ZNF532: variants seen among roughly 807,000 people sequenced by gnomAD.
ZNF532 encodes zinc finger protein 532.
ZNF532 carries 22 observed loss-of-function variants against 89.3 expected under a neutral mutation model. That is an observed-to-expected ratio of 0.25 (90% confidence interval 0.18 to 0.35). ZNF532 has a LOEUF of 0.35. Ranked by LOEUF, ZNF532 falls within the 10% of genes least tolerant of loss-of-function variation. The pLI, the probability that ZNF532 is intolerant of heterozygous loss-of-function variation, is 1.00. For synonymous variants in ZNF532, 606 were observed against 649.6 expected (o/e 0.93, Z 1.02); for missense variants, 1,132 against 1,643.4 (o/e 0.69, Z 5.38).
intron 2 of ZNF532, among the ~76,000 whole-genome samples, chr18:58,914,104 C>T (rs867419260): frequency 3.3e-5 from 5 of 152,156 alleles, no homozygotes; most frequent in Admixed American, 2.0e-4. Context: ...GTTTTTCTTA[C>T]GTTTTTCTTT....
intron 7 of ZNF532, among the ~76,000 whole-genome samples, chr18:58,959,163 T>A (rs962820500): frequency 6.6e-6 from 1 of 152,192 alleles, no homozygotes; most frequent in East Asian, 1.9e-4. Flanking sequence ...CCTTAACTTA[T>A]TAATTGAAAT....
intron 2 of ZNF532, among the ~76,000 whole-genome samples, chr18:58,883,160 A>G (rs916616089): frequency 6.6e-6 from 1 of 152,206 alleles, no homozygotes; most frequent in Non-Finnish European, 1.5e-5. Context: ...TGATTGATAT[A>G]CTGATGTAAT....
At chr18:58,942,349 C>CCCTTCCTTCCTTCCTTCCTT (rs1179053195) in intron 5 of ZNF532, among the ~76,000 whole-genome samples, 32 of 43,180 alleles carry the variant, frequency 7.4e-4, no homozygotes, top group South Asian at 1.4e-3. Context: ...CTCCCTCCCT[C>CCCTTCCTTCCTTCCTTCCTT]CCTTCCTTCC....
chr18:58,887,891 G>T (rs2058416529), intron 2 of ZNF532, among the ~76,000 whole-genome samples: 1 of 152,190 alleles, frequency 6.6e-6, no homozygotes, highest in Admixed American at 6.5e-5. Flanking sequence ...GTCCCCCGGG[G>T]CAGAGGGGAG....
intron 7 of ZNF532, among the ~76,000 whole-genome samples, chr18:58,963,394 C>T (rs548675341): frequency 6.6e-6 from 1 of 152,196 alleles, no homozygotes; most frequent in East Asian, 1.9e-4. Context: ...TGAAAGACAG[C>T]AGTGGCAGTG....
intron 3 of ZNF532, chr18:58,926,252 G>A (rs2061510370): frequency 6.6e-6 from 1 of 152,284 alleles, no homozygotes; most frequent in Non-Finnish European, 1.5e-5. Context: ...ATACTGATAA[G>A]AACAGATACT....
intron 7 of ZNF532, 165 bp downstream of exon 7, chr18:58,953,964 C>T (rs1280793818): frequency 1.0e-6 from 1 of 985,236 alleles, no homozygotes; most frequent in South Asian, 4.7e-5. Context: ...TGAAATAGAC[C>T]TTTTCAAATC....
At chr18:58,910,497 C>T (rs1335652529) in intron 2 of ZNF532, among the ~76,000 whole-genome samples, 8 of 151,918 alleles carry the variant, frequency 5.3e-5, no homozygotes, top group East Asian at 1.9e-4. Context: ...GAAAGAGTCT[C>T]GCTTCATCAC....
Position 58,984,599 on chromosome 18 carries a change from TC to T in ZNF532, c.*135del. On this transcript the variant is annotated 3_prime_UTR_variant, in exon 10 of 10. Transcript: ENST00000591808. ...CAATATATTCTCTTTCAATGTACCTTCCTTCACCTCGTCGTATATATCCTCG... is the reference window on the plus strand; with the variant it reads ...CAATATATTCTCTTTCAATGTACCTTCTTCACCTCGTCGTATATATCCTCG... 1 of 1,089,576 alleles carries T rather than the reference TC, an allele frequency of 9.2e-7. No individual in the cohort carries two copies. The highest frequency in any genetic ancestry group is 1.7e-5 in the South Asian group (1 of 58,076). 67.5% of individuals were successfully genotyped at this position (1,089,576 alleles called of 1,614,324 possible). A position where few individuals can be genotyped will look rare whatever the true frequency, so the allele number is the denominator to read the frequency against.
chr18:58,945,484 C>G (rs941487814), intron 5 of ZNF532, among the ~76,000 whole-genome samples: 1 of 152,146 alleles, frequency 6.6e-6, no homozygotes, highest in African/African-American at 2.4e-5. Flanking sequence ...CACCAACAAC[C>G]TGCTCAGCCT....
At chr18:58,897,343 G>C (rs1217378309) in intron 2 of ZNF532, among the ~76,000 whole-genome samples, 1 of 152,106 alleles carries the variant, frequency 6.6e-6, no homozygotes, top group Non-Finnish European at 1.5e-5. Context: ...TAAATGCATT[G>C]AGGTTGGGGG....
chr18:58,901,574 T>C (rs139972477), intron 2 of ZNF532, among the ~76,000 whole-genome samples: 122 of 152,342 alleles, frequency 8.0e-4, no homozygotes, highest in African/African-American at 2.9e-3. Context: ...ACCTGCTCTT[T>C]GGAGAGCACT....
intron 2 of ZNF532, among the ~76,000 whole-genome samples, chr18:58,902,567 A>G (rs2059671772): frequency 6.8e-6 from 1 of 147,962 alleles, no homozygotes; most frequent in Non-Finnish European, 1.5e-5. Context: ...ATCTCGACTC[A>G]CTGCAGCCTC....
intron 8 of ZNF532, chr18:58,981,170 C>T (rs2067723288): frequency 9.1e-6 from 3 of 328,134 alleles, no homozygotes; most frequent in South Asian, 3.3e-5. Context: ...ACAAAGGAGT[C>T]AAGGAGGGAC....
At chr18:58,882,493 G>A (rs1232773137) in intron 2 of ZNF532, among the ~76,000 whole-genome samples, 1 of 152,208 alleles carries the variant, frequency 6.6e-6, no homozygotes, top group East Asian at 1.9e-4. Context: ...CTAGGCTGGA[G>A]TGCAGTGATC....
intron 7 of ZNF532, among the ~76,000 whole-genome samples, 179 bp from the exon 8 acceptor site, chr18:58,978,876 T>C (rs2147650489): frequency 6.6e-6 from 1 of 152,344 alleles, no homozygotes; most frequent in Admixed American, 6.5e-5. Context: ...CAGTTCTGAC[T>C]GTGACCCGTC....
chr18:58,868,788 T>C (rs531699184), intron 2 of ZNF532, among the ~76,000 whole-genome samples: 15 of 152,368 alleles, frequency 9.8e-5, no homozygotes, highest in African/African-American at 3.6e-4. Flanking sequence ...TTATTTCTTT[T>C]TGCTAAATGC....
At chr18:58,983,835 C>T in intron 9 of ZNF532, 137 bp from the exon 10 acceptor site, 2 of 1,081,526 alleles carry the variant, frequency 1.8e-6, no homozygotes, top group Non-Finnish European at 2.7e-6. Flanking sequence ...GGGTGGCAGA[C>T]ACAGCTTTAA....
At chr18:58,954,249 C>T (rs1246112646) in intron 7 of ZNF532, 2 of 987,898 alleles carry the variant, frequency 2.0e-6, no homozygotes, top group Non-Finnish European at 2.4e-6. Flanking sequence ...AGAGGAACCA[C>T]ATCCTTTAAC....
Sources: allele counts gnomAD v4.1 joint callset (sites outside exome capture counted in the v4.1 genomes callset), GRCh38; gene constraint gnomAD v4.1.1; transcripts MANE v1.5; gene names NCBI Gene and HGNC (gene_info 2026-07-23, HGNC 2026-07-21).